SLC9B1: variants seen among roughly 807,000 people sequenced by gnomAD.
The protein encoded by SLC9B1 is solute carrier family 9 member B1.
In SLC9B1, 32 loss-of-function variants were observed where a neutral mutation model predicts 51.7. The observed-to-expected ratio is 0.62, with a 90% confidence interval of 0.47 to 0.83. SLC9B1 has a LOEUF of 0.83. SLC9B1 is among the 40% of genes least tolerant of loss of function. The pLI, the probability that SLC9B1 is intolerant of heterozygous loss-of-function variation, is 0.00. For synonymous variants in SLC9B1, 145 were observed against 212.7 expected, an observed-to-expected ratio of 0.68 and a Z score of 2.77; for missense variants, 406 against 613.2, an observed-to-expected ratio of 0.66 and a Z score of 3.57.
At chr4:103,017,489 C>T (rs1229458628) in intron 1 of SLC9B1, among the ~76,000 whole-genome samples, 19 of 152,196 alleles carry the variant, frequency 1.2e-4, no homozygotes. Flanking sequence ...CCTCCAAGCT[C>T]ATCCTGTACC....
intron 11 of SLC9B1, among the ~76,000 whole-genome samples, chr4:102,904,503 G>T (rs1734933048): frequency 6.6e-6 from 1 of 151,996 alleles, no homozygotes; most frequent in Admixed American, 6.6e-5. Flanking sequence ...CTTATTGAAA[G>T]AATACTTTTT....
chr4:102,965,511 G>C (rs1472310279), intron 3 of SLC9B1, among the ~76,000 whole-genome samples: 2 of 152,148 alleles, frequency 1.3e-5, no homozygotes, highest in Non-Finnish European at 2.9e-5. Context: ...GCACCAAGCT[G>C]CTCAAAATGG....
chr4:102,936,588 C>T (rs1194991186), intron 6 of SLC9B1, among the ~76,000 whole-genome samples: 20 of 152,134 alleles, frequency 1.3e-4, no homozygotes, highest in Non-Finnish European at 2.4e-4. Flanking sequence ...CTGAAAAATG[C>T]GCCTCAAGAA....
chr4:102,972,910 T>G (rs1185948224), intron 3 of SLC9B1, among the ~76,000 whole-genome samples: 5 of 152,318 alleles, frequency 3.3e-5, no homozygotes, highest in African/African-American at 4.8e-5. Flanking sequence ...AAAATTAATT[T>G]TTTAATTACT....
intron 7 of SLC9B1, among the ~76,000 whole-genome samples, chr4:102,917,992 C>T (rs1404278403): frequency 2.7e-5 from 4 of 145,564 alleles, no homozygotes; most frequent in South Asian, 2.3e-4. Flanking sequence ...TCACTTGAAC[C>T]GGGAGGCAGA....
chr4:102,980,040 A>G (rs1739276053), intron 3 of SLC9B1, among the ~76,000 whole-genome samples: 1 of 152,204 alleles, frequency 6.6e-6, no homozygotes, highest in Admixed American at 6.5e-5. Context: ...TCAAAACCAC[A>G]ATGATTTACC....
At chr4:102,943,158 C>CAAAAAAA (rs1475762867) in intron 6 of SLC9B1, among the ~76,000 whole-genome samples, 1 of 111,344 alleles carries the variant, frequency 9.0e-6, no homozygotes, top group African/African-American at 3.4e-5. Context: ...TAGCCATAAT[C>CAAAAAAA]AAAAAAATAA....
At chr4:102,974,570 C>T (rs996285696) in intron 3 of SLC9B1, among the ~76,000 whole-genome samples, 10 of 152,112 alleles carry the variant, frequency 6.6e-5, no homozygotes, top group African/African-American at 1.2e-4. Flanking sequence ...TGAACAACTT[C>T]GTTGGCTACT....
downstream of SLC9B1, among the ~76,000 whole-genome samples, chr4:102,899,367 C>G (rs1226311170): frequency 6.7e-6 from 1 of 149,356 alleles, no homozygotes; most frequent in Admixed American, 6.7e-5. Context: ...AAATCTAATC[C>G]TCTTGTGAAT....
At chr4:102,923,243 C>T (rs1007400475) in intron 7 of SLC9B1, among the ~76,000 whole-genome samples, 1 of 152,200 alleles carries the variant, frequency 6.6e-6, no homozygotes, top group African/African-American at 2.4e-5. Flanking sequence ...CCCTGGGATG[C>T]AAGGCTGGTT....
intron 1 of SLC9B1, among the ~76,000 whole-genome samples, chr4:102,995,298 T>C (rs549711217): frequency 6.6e-6 from 1 of 152,262 alleles, no homozygotes; most frequent in South Asian, 2.1e-4. Context: ...TTTTCAGTAC[T>C]GCAGAAAATA....
At chr4:102,912,296 TAAC>T (rs1735378314) in intron 7 of SLC9B1, among the ~76,000 whole-genome samples, 1 of 152,044 alleles carries the variant, frequency 6.6e-6, no homozygotes, top group Non-Finnish European at 1.5e-5. Flanking sequence ...AACAATGTAA[TAAC>T]AACATAAAAA....
intron 6 of SLC9B1, among the ~76,000 whole-genome samples, chr4:102,937,929 A>C (rs1736804437): frequency 6.6e-6 from 1 of 152,152 alleles, no homozygotes. Context: ...AATACGTTTA[A>C]GTACATAGAA....
At chr4:102,959,852 G>C (rs1021054247) in intron 3 of SLC9B1, among the ~76,000 whole-genome samples, 1 of 152,096 alleles carries the variant, frequency 6.6e-6, no homozygotes, top group Non-Finnish European at 1.5e-5. Flanking sequence ...ACATCAAATA[G>C]GAAATTAAAA....
intron 6 of SLC9B1, among the ~76,000 whole-genome samples, chr4:102,938,467 A>T (rs896081283): frequency 1.3e-5 from 2 of 152,226 alleles, no homozygotes; most frequent in African/African-American, 4.8e-5. Context: ...CAGATCAAAG[A>T]GACAGAAAAT....
At chr4:102,993,658 A>G (rs1038002012) in intron 1 of SLC9B1, among the ~76,000 whole-genome samples, 13 of 152,098 alleles carry the variant, frequency 8.5e-5, no homozygotes, top group African/African-American at 3.1e-4. Flanking sequence ...CCAACCCCAC[A>G]TTTTTCCTTT....
At chr4:102,888,085 TTTTAA>T (rs1176195174) in intron 11 of SLC9B1, 1 of 151,760 alleles carries the variant, frequency 6.6e-6, no homozygotes, top group Non-Finnish European at 1.5e-5. Context: ...TGTGTGTGTA[TTTTAA>T]ACTGACTCAG....
Position 102,983,206 on chromosome 4 carries a change from T to C in SLC9B1, c.211+6594A>G, listed in dbSNP as rs546731458. On this transcript the variant is annotated intron_variant, in intron 3 of 11. Coordinates refer to ENST00000296422, the MANE Select transcript of SLC9B1 (RefSeq NM_139173.4). ...TGGATTACATTACTTAATTTTTGAA[T>C]GATGAACTAATCTCATATATCTGGG... 3.9e-4 allele frequency among the ~76,000 whole-genome samples: 59 copies of C among 152,174 alleles called. 1 individual carries two copies. Among genetic ancestry groups the C allele is most frequent in the Non-Finnish European group, 5.9e-5 (4 of 67,996 alleles).
chr4:102,914,440 G>C (rs186269081), intron 7 of SLC9B1, among the ~76,000 whole-genome samples: 15 of 152,042 alleles, frequency 9.9e-5, no homozygotes, highest in African/African-American at 3.6e-4. Context: ...GATCTTTTCA[G>C]GAAATGGCTA....
Sources: allele counts gnomAD v4.1 joint callset (sites outside exome capture counted in the v4.1 genomes callset), GRCh38; gene constraint gnomAD v4.1.1; transcripts MANE v1.5; gene names NCBI Gene and HGNC (gene_info 2026-07-23, HGNC 2026-07-21).